XIST: variants seen among roughly 807,000 people sequenced by gnomAD.
XIST encodes X inactive specific transcript (non-protein coding).
chrX:73,837,338 C>T (rs1424041901), intron 2 of XIST: 1 of 394,875 alleles, frequency 2.5e-6, no homozygotes. Context: ...AGAAGAACAT[C>T]AGACAAATTC....
chrX:73,847,551 A>G (rs1246124051), exon 1 of XIST: 1 of 512,258 alleles, frequency 2.0e-6, no homozygotes, highest in Non-Finnish European at 3.5e-6. Flanking sequence ...GAAATTCAAG[A>G]AAGACTTTAG....
exon 1 of XIST, chrX:73,850,950 C>T (rs1303971914): frequency 5.4e-6 from 3 of 558,588 alleles, no homozygotes; most frequent in East Asian, 3.3e-5. Context: ...CCTGGTGTAC[C>T]GCCCACTGGG....
chrX:73,841,976 G>A (rs1922600117), exon 1 of XIST: 2 of 539,212 alleles, frequency 3.7e-6, no homozygotes, highest in Middle Eastern at 3.1e-4. Flanking sequence ...CAAAGATACT[G>A]GTCTTAAGAG....
intron 1 of XIST, among the ~76,000 whole-genome samples, chrX:73,838,236 T>G (rs1008093953): frequency 2.7e-5 from 3 of 111,220 alleles, no homozygotes; most frequent in Non-Finnish European, 5.7e-5. Context: ...TAAAGTAACA[T>G]AGATAATTTT....
At chrX:73,843,059 T>C (rs751111286) in exon 1 of XIST, 13 of 556,696 alleles carry the variant, frequency 2.3e-5, no homozygotes, top group Non-Finnish European at 3.9e-5. Flanking sequence ...ATGCTTATAC[T>C]TTATTATGCC....
chrX:73,840,671 G>C (rs1284833361), intron 1 of XIST, among the ~76,000 whole-genome samples: 1 of 111,303 alleles, frequency 9.0e-6, no homozygotes, highest in Non-Finnish European at 1.9e-5. Context: ...ATCTGTTCTT[G>C]GGCAGAAATG....
exon 1 of XIST, chrX:73,850,670 A>T: frequency 2.4e-6 from 1 of 411,625 alleles, no homozygotes; most frequent in Admixed American, 3.2e-5. Context: ...AGTGCAGTGC[A>T]GGGCAGACCA....
At chrX:73,841,038 T>C (rs183832868) in intron 1 of XIST, among the ~76,000 whole-genome samples, 1 of 111,673 alleles carries the variant, frequency 9.0e-6, no homozygotes, top group African/African-American at 3.2e-5. Context: ...CACTTATTAT[T>C]TTCTAAAGTT....
chrX:73,848,683 G>A (rs768414641), exon 1 of XIST: 8 of 556,518 alleles, frequency 1.4e-5, no homozygotes, highest in Non-Finnish European at 2.3e-5. Flanking sequence ...TCCCACAGAA[G>A]GTGGGATGGG....
At position 73,821,791 on chromosome X, in the gene XIST, T is replaced by C. The variant is rs773445116; in HGVS notation, n.18110A>G. 27 of 513,914 alleles carry C rather than the reference T, an allele frequency of 5.3e-5. No individual in the cohort carries two copies. The East Asian group carries it at 9.2e-4, about 18-fold the overall frequency. The allele number at this position is 513,914 out of a possible 1,213,427, so 42.4% of individuals were successfully genotyped here. ...TTTCCTTTCAATTTTGGCCAATTAT[T>C]TCCAATTTTTATTTTATTCTTAAAA... On this transcript the variant is annotated non_coding_transcript_exon_variant, in exon 6 of 6. Transcript: ENST00000429829.
At chrX:73,841,005 T>G (rs1288247422) in intron 1 of XIST, among the ~76,000 whole-genome samples, 1 of 112,017 alleles carries the variant, frequency 8.9e-6, no homozygotes, top group Non-Finnish European at 1.9e-5. Flanking sequence ...CTAAAACTAC[T>G]ACTTATGATT....
exon 6 of XIST, chrX:73,827,417 G>A (rs773402438): frequency 1.8e-6 from 1 of 552,674 alleles, no homozygotes; most frequent in South Asian, 2.3e-5. Flanking sequence ...AAGGGAAGAA[G>A]CAGAGAACAA....
exon 6 of XIST, chrX:73,825,129 G>T: frequency 1.9e-6 from 1 of 519,174 alleles, no homozygotes; most frequent in East Asian, 3.6e-5. Context: ...ATGGTATCTG[G>T]CACATTATAG....
chrX:73,826,213 C>G, exon 6 of XIST: 1 of 559,472 alleles, frequency 1.8e-6, no homozygotes, highest in South Asian at 2.2e-5. Flanking sequence ...CCTGGAGCAT[C>G]TCTTCACATT....
exon 6 of XIST, chrX:73,823,275 CT>C: frequency 6.2e-6 from 3 of 487,254 alleles, no homozygotes; most frequent in Non-Finnish European, 1.1e-5. Flanking sequence ...GGAAAAATGT[CT>C]CTTTATTTTG....
At chrX:73,825,466 T>G (rs1456470667) in exon 6 of XIST, 1 of 523,978 alleles carries the variant, frequency 1.9e-6, no homozygotes, top group Non-Finnish European at 3.4e-6. Flanking sequence ...CACCTAGATA[T>G]CAATAATCAT....
At chrX:73,850,306 G>C in exon 1 of XIST, 1 of 549,800 alleles carries the variant, frequency 1.8e-6, no homozygotes, top group Non-Finnish European at 3.3e-6. Context: ...TTTGTAATGA[G>C]AAGCTAAAAA....
At chrX:73,826,141 T>A (rs773916523) in exon 6 of XIST, 1 of 559,372 alleles carries the variant, frequency 1.8e-6, no homozygotes, top group Admixed American at 2.2e-5. Flanking sequence ...AAGCTGTTGC[T>A]GGCAGGTGCT....
exon 1 of XIST, chrX:73,846,907 C>CT (rs1447529955): frequency 1.8e-6 from 1 of 557,546 alleles, no homozygotes; most frequent in Non-Finnish European, 3.2e-6. Context: ...AAACCCAAGT[C>CT]TAATTGAAGG....
Sources: gnomAD v4.1 joint callset for allele counts (sites outside exome capture counted in the v4.1 genomes callset) on GRCh38, gnomAD v4.1.1 for gene constraint, MANE v1.5 for transcripts, NCBI Gene and HGNC (gene_info 2026-07-23, HGNC 2026-07-21) for gene names.